The following MAD2L1 variants were observed in gnomAD, a reference collection of about 807,000 sequenced individuals.
MAD2L1 encodes the protein mitotic spindle assembly checkpoint protein MAD2A.
Under a neutral mutation model 25.9 loss-of-function variants are expected in MAD2L1, and 10 were observed. The ratio of observed to expected loss-of-function variants is 0.39; its 90% CI spans 0.24 to 0.66. The LOEUF (loss-of-function observed/expected upper bound fraction) is 0.66, where lower values mean the gene tolerates loss of function less well. Ranked by LOEUF, MAD2L1 falls within the 30% of genes least tolerant of loss-of-function variation. The pLI is 0.49. For missense variants in MAD2L1, 180 were observed against 246.4 expected (o/e 0.73, Z 1.80); for synonymous variants, 81 against 91.8 (o/e 0.88, Z 0.67).
At chr4:120,060,766 T>TACA (rs1726199425) in intron 4 of MAD2L1, 108 bp downstream of exon 4, 5 of 656,960 alleles carry the variant, frequency 7.6e-6, no homozygotes, top group Non-Finnish European at 1.3e-5. Context: ...CAATTTATAT[T>TACA]ACATAAATCT....
Position 120,063,160 on chromosome 4 carries a change from T to C in MAD2L1, c.221-1065A>G, listed in dbSNP as rs549847089. Among the ~76,000 whole-genome samples the C allele has an allele frequency of 5.3e-5, 8 of 152,340 alleles. No homozygotes were observed. The South Asian group carries it at 1.4e-3, about 28-fold the overall frequency. On this transcript the variant is annotated intron_variant, in intron 2 of 4. Coordinates refer to ENST00000296509, the MANE Select transcript of MAD2L1 (RefSeq NM_002358.4). Reference sequence around the variant, plus strand: ...TGGGATAGCTACATAAAGATATAGCTGCTGGATATATGAGTCTGGAGAAAG... The same window carrying C: ...TGGGATAGCTACATAAAGATATAGCCGCTGGATATATGAGTCTGGAGAAAG...
chr4:120,060,839 C>T, intron 4 of MAD2L1, 35 bp downstream of exon 4: 3 of 1,365,686 alleles, frequency 2.2e-6, no homozygotes, highest in Non-Finnish European at 3.1e-6. Flanking sequence ...TTTTGCCAAT[C>T]AATTTAATTC....
intron 1 of MAD2L1, 66 bp from the exon 2 acceptor site, chr4:120,065,884 T>A (rs1726307175): frequency 6.6e-7 from 1 of 1,508,364 alleles, no homozygotes; most frequent in African/African-American, 1.4e-5. Flanking sequence ...ATAAAATATA[T>A]TTAGATGTTG....
chr4:120,064,144 T>C (rs1726273726), intron 2 of MAD2L1, among the ~76,000 whole-genome samples: 1 of 152,200 alleles, frequency 6.6e-6, no homozygotes, highest in South Asian at 2.1e-4. Flanking sequence ...ACCATTGGCT[T>C]AGGCAATGCT....
rs1211374272 is a variant in MAD2L1, at chr4:120,056,655, T to C, written c.*3463A>G. On this transcript the variant is annotated 3_prime_UTR_variant, in exon 5 of 5. Transcript: ENST00000296509. The stretch of plus-strand genomic sequence containing the variant: ...TAGCATTATACTAATAAAAACATTT[T>C]TCAGCATGCATGTCTATATAGTGAA... 6.6e-6 allele frequency: 1 copy of C among 152,198 alleles called. No individual in the cohort carries two copies. Among genetic ancestry groups the C allele is most frequent in the Non-Finnish European group, 1.5e-5 (1 of 68,044 alleles). 9.4% of individuals were successfully genotyped at this position (152,198 alleles called of 1,614,324 possible). A position where few individuals can be genotyped will look rare whatever the true frequency, so the allele number is the denominator to read the frequency against.
At chr4:120,061,683 A>T (rs529876206) in intron 3 of MAD2L1, among the ~76,000 whole-genome samples, 1 of 152,268 alleles carries the variant, frequency 6.6e-6, no homozygotes, top group South Asian at 2.1e-4. Flanking sequence ...TAAATGGTTC[A>T]TCTAGTATAT....
chr4:120,060,125 T>C lies in MAD2L1; in HGVS notation c.611A>G (p.Asn204Ser), dbSNP rs762888359. The change falls in exon 5 of 5, where the codon AAT becomes AGT. Residue 204 changes from asparagine to serine, a missense_variant. Transcript: ENST00000296509. ...ATTTTCCTCATGTCATCCTCAGTCA[T>C]TGACAGGAATTTTGTAGGCCACCAT... ...NSMVAYKIPV[N>S]D The C allele has an allele frequency of 3.1e-6, 5 of 1,599,114 alleles. No homozygotes were observed. In the African/African-American group the frequency reaches 6.7e-5, roughly 21 times the overall value.
intron 3 of MAD2L1, 124 bp downstream of exon 3, chr4:120,061,851 T>A: frequency 1.3e-6 from 1 of 750,812 alleles, no homozygotes. Flanking sequence ...TCTTAGAAAA[T>A]ATAAATTAGA....
chr4:120,065,506 T>C (rs1334656425), intron 2 of MAD2L1, 166 bp downstream of exon 2: 1 of 553,866 alleles, frequency 1.8e-6, no homozygotes, highest in Non-Finnish European at 3.2e-6. Context: ...CACAATGTAG[T>C]GGGTGGGGGA....
chr4:120,060,079 T>C lies in MAD2L1; in HGVS notation c.*39A>G, dbSNP rs746259085. Reference sequence around the variant, plus strand: ...ATGACTTGATTTCAGGAAAACCACATTTCAAAATTACAATTACATTATTTT... The same window carrying C: ...ATGACTTGATTTCAGGAAAACCACACTTCAAAATTACAATTACATTATTTT... On this transcript the variant is annotated 3_prime_UTR_variant, in exon 5 of 5. Coordinates refer to ENST00000296509, the MANE Select transcript of MAD2L1 (RefSeq NM_002358.4). 1.3e-6 allele frequency: 2 copies of C among 1,534,996 alleles called. No homozygotes were observed. The highest frequency in any genetic ancestry group is 1.2e-5 in the South Asian group (1 of 83,588).
chr4:120,065,868 TG>T, intron 1 of MAD2L1, 50 bp from the exon 2 acceptor site: 1 of 1,583,366 alleles, frequency 6.3e-7, no homozygotes, highest in Non-Finnish European at 8.6e-7. Context: ...TGCATAACTC[TG>T]GAAAATAAAA....
At chr4:120,063,171 T>A (rs1681725577) in intron 2 of MAD2L1, among the ~76,000 whole-genome samples, 1 of 152,190 alleles carries the variant, frequency 6.6e-6, no homozygotes, top group South Asian at 2.1e-4. Flanking sequence ...GCTGGATATA[T>A]GAGTCTGGAG....
At position 120,060,142 on chromosome 4, in the gene MAD2L1, G is replaced by A; in HGVS notation, c.594C>T (p.Ala198=). Residue 198 remains alanine, a synonymous_variant, in exon 5 of 5, where the codon GCC becomes GCT. Coordinates refer to ENST00000296509, the MANE Select transcript of MAD2L1 (RefSeq NM_002358.4). ...TTIHKVNSMV[A]YKIPVND ...CTCAGTCATTGACAGGAATTTTGTA[G>A]GCCACCATGCTATTTACTTTGTGGA... 1.9e-6 allele frequency: 3 copies of A among 1,600,092 alleles called. No homozygotes were observed. Among genetic ancestry groups the A allele is most frequent in the Non-Finnish European group, 2.6e-6 (3 of 1,171,902 alleles).
rs1332134700 is a variant in MAD2L1, at chr4:120,056,839, T to C, written c.*3279A>G. On this transcript the variant is annotated 3_prime_UTR_variant, in exon 5 of 5. Transcript: ENST00000296509. The stretch of plus-strand genomic sequence containing the variant: ...AGATCAAATTGTGAACTGTGGGGTG[T>C]GTTAGGAAGTATGTCAAGAAAATAG... 1 of 152,118 alleles carries C rather than the reference T, an allele frequency of 6.6e-6. No individual in the cohort carries two copies. The highest frequency in any genetic ancestry group is 1.5e-5 in the Non-Finnish European group (1 of 68,018). The allele number at this position is 152,118 out of a possible 1,614,324, so 9.4% of individuals were successfully genotyped here.
chr4:120,061,513 T>C (rs546178143), intron 3 of MAD2L1, among the ~76,000 whole-genome samples: 1 of 152,290 alleles, frequency 6.6e-6, no homozygotes, highest in South Asian at 2.1e-4. Flanking sequence ...AGAGCATGCC[T>C]AGGACAATGC....
At chr4:120,063,351 G>C (rs1338340100) in intron 2 of MAD2L1, among the ~76,000 whole-genome samples, 4 of 152,166 alleles carry the variant, frequency 2.6e-5, no homozygotes, top group Non-Finnish European at 4.4e-5. Context: ...AGGAGTCAGC[G>C]AAGTTTTTGT....
At chr4:120,065,154 T>G (rs1363958344) in intron 2 of MAD2L1, among the ~76,000 whole-genome samples, 3 of 152,160 alleles carry the variant, frequency 2.0e-5, no homozygotes, top group Non-Finnish European at 4.4e-5. Context: ...CAAATAGAAA[T>G]ACGTGAAAAA....
intron 1 of MAD2L1, among the ~76,000 whole-genome samples, chr4:120,066,045 GCCAAAGTGTAT>G (rs1726310140): frequency 6.9e-6 from 1 of 145,886 alleles, no homozygotes; most frequent in South Asian, 2.1e-4. Context: ...AAAAAAAAAA[GCCAAAGTGTAT>G]CAACTTATTA....
rs1726327695 is a variant in MAD2L1 at position 120,066,693 on chromosome 4, G to T, written c.42C>A (p.Arg14=). 2 of 1,604,014 alleles carry T rather than the reference G, an allele frequency of 1.2e-6. No individual in the cohort carries two copies. The highest frequency in any genetic ancestry group is 1.7e-6 in the Non-Finnish European group (2 of 1,173,314). Residue 14 remains arginine (R), a synonymous_variant, in exon 1 of 5, where the codon CGC becomes CGA. Coordinates refer to ENST00000296509, the MANE Select transcript of MAD2L1 (RefSeq NM_002358.4). ...ACTCGGCCACGATTTCGGCGCTCCC[G>T]CGCAGGGTGATTCCCTGCTCCCGGG... ...QLSREQGITL[R]GSAEIVAEFF...
Sources: allele counts gnomAD v4.1 joint callset (sites outside exome capture counted in the v4.1 genomes callset), GRCh38; gene constraint gnomAD v4.1.1; transcripts MANE v1.5; gene names NCBI Gene and HGNC (gene_info 2026-07-23, HGNC 2026-07-21).